The following FBXO10 variants were observed in gnomAD, a reference collection of about 807,000 sequenced individuals.
FBXO10 encodes F-box protein 10.
Under a neutral mutation model 80.7 loss-of-function variants are expected in FBXO10, and 39 were observed. The ratio of observed to expected loss-of-function variants is 0.48; its 90% CI spans 0.37 to 0.63. The LOEUF (loss-of-function observed/expected upper bound fraction) is 0.63. FBXO10 is among the 30% of genes least tolerant of loss of function. The probability of loss-of-function intolerance (pLI) is 0.00; values close to 1 mark genes in which losing one functional copy is unlikely to be tolerated. For missense variants in FBXO10, 1,025 were observed against 1,269.0 expected (o/e 0.81, Z 2.92); for synonymous variants, 449 against 489.6 (o/e 0.92, Z 1.09).
intron 10 of FBXO10, among the ~76,000 whole-genome samples, chr9:37,514,462 G>A (rs1821133765): frequency 6.6e-6 from 1 of 152,092 alleles, no homozygotes; most frequent in Non-Finnish European, 1.5e-5. Flanking sequence ...TTTTTTAACT[G>A]TATACTTTAA....
intron 6 of FBXO10, among the ~76,000 whole-genome samples, 163 bp downstream of exon 6, chr9:37,524,939 G>A (rs1261897346): frequency 6.6e-6 from 1 of 152,220 alleles, no homozygotes; most frequent in Admixed American, 6.5e-5. Context: ...CCTGTAAGAA[G>A]CACAGCCACC....
At chr9:37,554,330 C>T (rs970424841) in intron 1 of FBXO10, among the ~76,000 whole-genome samples, 9 of 152,196 alleles carry the variant, frequency 5.9e-5, no homozygotes, top group African/African-American at 1.7e-4. Flanking sequence ...TACAGTGTGT[C>T]ACCTATTGAG....
At position 37,518,309 on chromosome 9, in the gene FBXO10, G is replaced by A. The variant is rs770030505; in HGVS notation, c.2330C>T (p.Ser777Phe). ...QPTRVANNSI[S>F]CNRQSGVKVE... ...CTTGACCCCACTTTGCCGGTTGCAG[G>A]AGATGCTGTTGTTGGCCACTCGGGT... Residue 777 changes from serine to phenylalanine, a missense_variant, in exon 9 of 11, where the codon TCC becomes TTC. Ser to Phe is a radical substitution (Grantham distance 155). Transcript: ENST00000432825. The A allele has an allele frequency of 6.2e-7, 1 of 1,613,982 alleles. No individual in the cohort carries two copies. Among genetic ancestry groups the A allele is most frequent in the East Asian group, 2.2e-5 (1 of 44,900 alleles).
chr9:37,548,897 C>T (rs894244902), intron 1 of FBXO10, among the ~76,000 whole-genome samples: 12 of 152,058 alleles, frequency 7.9e-5, no homozygotes, highest in Non-Finnish European at 1.0e-4. Context: ...TACAGGCGCC[C>T]GCCACCACGC....
chr9:37,518,332 G>A lies in FBXO10; in HGVS notation c.2307C>T (p.Thr769=). 1.2e-6 allele frequency: 2 copies of A among 1,614,040 alleles called. No homozygotes were observed. Among genetic ancestry groups the A allele is most frequent in the Non-Finnish European group, 1.7e-6 (2 of 1,179,906 alleles). Residue 769 remains threonine (T), a synonymous_variant, in exon 9 of 11, where the codon ACC becomes ACT. Coordinates refer to ENST00000432825, the MANE Select transcript of FBXO10 (RefSeq NM_012166.3). Reference sequence around the variant, plus strand: ...AGGAGATGCTGTTGTTGGCCACTCGGGTGGGTTGGCTGCTCTGGGCCACAG... The same window carrying A: ...AGGAGATGCTGTTGTTGGCCACTCGAGTGGGTTGGCTGCTCTGGGCCACAG... ...GITVAQSSQP[T]RVANNSISCN...
chr9:37,515,764 A>G (rs1321828357), intron 10 of FBXO10, 140 bp downstream of exon 10: 4 of 857,330 alleles, frequency 4.7e-6, no homozygotes, highest in Admixed American at 4.7e-5. Flanking sequence ...AGCCAGGCAC[A>G]GGCCTTTTTC....
At chr9:37,526,713 T>G (rs1296610510) in intron 5 of FBXO10, among the ~76,000 whole-genome samples, 1 of 152,190 alleles carries the variant, frequency 6.6e-6, no homozygotes, top group Non-Finnish European at 1.5e-5. Context: ...CCTCATCCTT[T>G]CCAGCTCCTA....
chr9:37,526,001 T>A (rs1821463265), intron 5 of FBXO10, among the ~76,000 whole-genome samples: 1 of 152,058 alleles, frequency 6.6e-6, no homozygotes, highest in Admixed American at 6.6e-5. Context: ...ACTACCAGCA[T>A]GAGTAACTGA....
At chr9:37,540,680 C>T (rs903442230) in intron 2 of FBXO10, among the ~76,000 whole-genome samples, 2 of 152,214 alleles carry the variant, frequency 1.3e-5, no homozygotes, top group African/African-American at 4.8e-5. Context: ...TTCTAACCTT[C>T]TCACCATTGC....
At chr9:37,520,021 A>T (rs1821291792) in intron 8 of FBXO10, among the ~76,000 whole-genome samples, 1 of 151,810 alleles carries the variant, frequency 6.6e-6, no homozygotes, top group South Asian at 2.1e-4. Context: ...CTCAGTAGAG[A>T]TTGAGGTCTC....
intron 8 of FBXO10, among the ~76,000 whole-genome samples, chr9:37,518,664 T>C (rs1430269400): frequency 6.6e-6 from 1 of 152,154 alleles, no homozygotes; most frequent in Non-Finnish European, 1.5e-5. Flanking sequence ...ATGAAGTCCT[T>C]ATTCAGTGTA....
At chr9:37,536,548 C>T (rs1411199520) in intron 3 of FBXO10, among the ~76,000 whole-genome samples, 3 of 152,140 alleles carry the variant, frequency 2.0e-5, no homozygotes, top group African/African-American at 7.2e-5. Context: ...TTGCTCACCC[C>T]CAGCTTCATC....
At chr9:37,568,022 A>G (rs1325562726) in intron 1 of FBXO10, among the ~76,000 whole-genome samples, 2 of 152,198 alleles carry the variant, frequency 1.3e-5, no homozygotes, top group African/African-American at 2.4e-5. Flanking sequence ...AAAAGAGTCC[A>G]TATGAGGAAT....
chr9:37,556,619 C>A (rs991232695), intron 1 of FBXO10, among the ~76,000 whole-genome samples: 10 of 139,106 alleles, frequency 7.2e-5, no homozygotes, highest in African/African-American at 2.7e-4. Context: ...TCTCGGCTCA[C>A]TGCAACTTCT....
Position 37,537,575 on chromosome 9 carries a change from G to A in FBXO10, c.954C>T (p.Ser318=). 6.2e-7 allele frequency: 1 copy of A among 1,613,686 alleles called. No homozygotes were observed. The highest frequency in any genetic ancestry group is 1.1e-5 in the South Asian group (1 of 91,008). The change falls in exon 3 of 11, where the codon AGC becomes AGT. Residue 318 remains serine, a synonymous_variant. Transcript: ENST00000432825. The stretch of plus-strand genomic sequence containing the variant: ...GGGAGCTAGAGGCTGGGCTGGTAGG[G>A]CTCTGGCTGCCCTCGATAACAATGT... ...TCDIVIEGSQ[S]PTSPASSSPK...
At chr9:37,541,088 T>C (rs1821899423) in intron 2 of FBXO10, 96 bp downstream of exon 2, 2 of 1,135,988 alleles carry the variant, frequency 1.8e-6, no homozygotes, top group East Asian at 2.4e-5. Flanking sequence ...ACTCTTAACT[T>C]TCAATTCCAA....
intron 3 of FBXO10, among the ~76,000 whole-genome samples, chr9:37,532,322 A>T: frequency 1.6e-5 from 2 of 123,614 alleles, no homozygotes; most frequent in Non-Finnish European, 1.6e-5. Context: ...TTTTTTTGAG[A>T]CAGGGTCTTG....
At chr9:37,564,825 G>A (rs573781853) in intron 1 of FBXO10, among the ~76,000 whole-genome samples, 1 of 152,330 alleles carries the variant, frequency 6.6e-6, no homozygotes, top group South Asian at 2.1e-4. Flanking sequence ...TCTCAGATGA[G>A]ACTTTGGACC....
At chr9:37,522,400 C>A (rs556463291) in intron 7 of FBXO10, 1 of 1,020,810 alleles carries the variant, frequency 9.8e-7, no homozygotes, top group Non-Finnish European at 1.2e-6. Context: ...AGAGTCCAGA[C>A]AGATGAAGGC....
Sources: allele counts gnomAD v4.1 joint callset (sites outside exome capture counted in the v4.1 genomes callset), GRCh38; gene constraint gnomAD v4.1.1; transcripts MANE v1.5; gene names NCBI Gene and HGNC (gene_info 2026-07-23, HGNC 2026-07-21).